Variants in ZNF385D observed in about 807,000 individuals in gnomAD.
The protein encoded by ZNF385D is zinc finger protein 659.
A neutral mutation model predicts 35.8 loss-of-function variants in ZNF385D; 15 were observed. That is an observed-to-expected ratio of 0.42 (90% CI 0.28 to 0.64). ZNF385D has a LOEUF of 0.64. ZNF385D is among the 30% of genes least tolerant of loss of function. ZNF385D has a pLI of 0.23. For missense variants in ZNF385D, 474 were observed against 494.6 expected, an observed-to-expected ratio of 0.96 and a Z score of 0.39; for synonymous variants, 212 against 186.8, an observed-to-expected ratio of 1.13 and a Z score of -1.10.
At chr3:21,634,833 T>G (rs1341941902) in intron 2 of ZNF385D, among the ~76,000 whole-genome samples, 1 of 151,908 alleles carries the variant, frequency 6.6e-6, no homozygotes, top group African/African-American at 2.4e-5. Flanking sequence ...TTTTTTTGGA[T>G]GGCAATATTT....
At chr3:21,436,897 C>T (rs765867881) in intron 5 of ZNF385D, 73 bp downstream of exon 5, 12 of 1,412,120 alleles carry the variant, frequency 8.5e-6, no homozygotes, top group Admixed American at 4.3e-5. Context: ...TCCCCTGCTG[C>T]AAAAGATCTA....
chr3:21,532,887 C>G (rs1416557498), intron 3 of ZNF385D, among the ~76,000 whole-genome samples: 1 of 152,122 alleles, frequency 6.6e-6, no homozygotes, highest in African/African-American at 2.4e-5. Context: ...AGACAAATAG[C>G]TTCTAAAACT....
At chr3:21,995,534 C>T (rs1386803651) in intron 3 of ZNF385D, among the ~76,000 whole-genome samples, 4 of 152,076 alleles carry the variant, frequency 2.6e-5, no homozygotes, top group South Asian at 4.2e-4. Context: ...GGATCAATCC[C>T]CAGGTCGCTG....
intron 3 of ZNF385D, among the ~76,000 whole-genome samples, chr3:21,779,881 T>C (rs918206272): frequency 4.6e-5 from 7 of 151,986 alleles, no homozygotes; most frequent in Non-Finnish European, 8.8e-5. Flanking sequence ...CCTCACTATA[T>C]TTCCTCATAC....
intron 3 of ZNF385D, among the ~76,000 whole-genome samples, chr3:21,934,311 T>G (rs1253446056): frequency 6.6e-6 from 1 of 152,180 alleles, no homozygotes; most frequent in African/African-American, 2.4e-5. Context: ...TACCAAAAGC[T>G]GCATTTGGGT....
At chr3:22,082,085 C>G (rs1284124980) in intron 3 of ZNF385D, among the ~76,000 whole-genome samples, 1 of 148,300 alleles carries the variant, frequency 6.7e-6, no homozygotes, top group African/African-American at 2.5e-5. Context: ...TTCTTCTGTT[C>G]CAAACTGTCT....
At chr3:21,743,506 G>T (rs1156253732) in intron 1 of ZNF385D, among the ~76,000 whole-genome samples, 3 of 152,210 alleles carry the variant, frequency 2.0e-5, no homozygotes, top group Admixed American at 2.0e-4. Flanking sequence ...CTGGAGGCTG[G>T]GCAGTCCAAG....
rs1032300140 is a variant in ZNF385D at position 21,807,798 on chromosome 3, AT to A, written c.326-142771del. ...CAATGGCATCTTCAAATATGGCAGG[AT>A]TTGAAAAGGCCCCACTTTTGAGATT... On this transcript the variant is annotated intron_variant, in intron 3 of 5. Transcript: ENST00000494108. Among the ~76,000 whole-genome samples the A allele has an allele frequency of 3.9e-5, 6 of 152,144 alleles. No individual in the cohort carries two copies. The South Asian group carries it at 6.2e-4, about 16-fold the overall frequency.
intron 3 of ZNF385D, among the ~76,000 whole-genome samples, chr3:21,795,664 G>C (rs1459905502): frequency 3.9e-5 from 6 of 152,022 alleles, no homozygotes; most frequent in East Asian, 3.9e-4. Flanking sequence ...ATAAAGAAGG[G>C]GACAGAATGT....
At chr3:21,621,864 A>AGTGTGTGT (rs1375391029) in intron 2 of ZNF385D, among the ~76,000 whole-genome samples, 1 of 72,422 alleles carries the variant, frequency 1.4e-5, no homozygotes, top group African/African-American at 5.4e-5. Context: ...ACCTGTTACC[A>AGTGTGTGT]CTGTGTGTGT....
At chr3:21,785,377 T>TG (rs2125645717) in intron 3 of ZNF385D, among the ~76,000 whole-genome samples, 1 of 152,326 alleles carries the variant, frequency 6.6e-6, no homozygotes, top group South Asian at 2.1e-4. Context: ...CATCATTTTT[T>TG]TTGTGTGTAT....
chr3:22,290,370 G>A (rs545468350), intron 2 of ZNF385D, among the ~76,000 whole-genome samples: 50 of 152,234 alleles, frequency 3.3e-4, no homozygotes, highest in Non-Finnish European at 5.1e-4. Context: ...GAGGGGTGCA[G>A]ACTGATGTCA....
At chr3:22,358,339 A>T (rs141291268) in intron 2 of ZNF385D, among the ~76,000 whole-genome samples, 22 of 152,062 alleles carry the variant, frequency 1.4e-4, no homozygotes, top group African/African-American at 5.1e-4. Flanking sequence ...AAATTCCATC[A>T]ATATGCCCAA....
chr3:21,901,665 G>A (rs978283089), intron 3 of ZNF385D, among the ~76,000 whole-genome samples: 3 of 152,090 alleles, frequency 2.0e-5, no homozygotes, highest in Non-Finnish European at 4.4e-5. Flanking sequence ...ACAGTTCACT[G>A]GTAGTGTCGC....
chr3:22,002,925 C>A (rs1419942681), intron 3 of ZNF385D, among the ~76,000 whole-genome samples: 1 of 152,158 alleles, frequency 6.6e-6, no homozygotes, highest in East Asian at 1.9e-4. Flanking sequence ...AAACATATCT[C>A]AAAATAATAA....
intron 2 of ZNF385D, among the ~76,000 whole-genome samples, chr3:21,609,830 G>C (rs2125786258): frequency 6.6e-6 from 1 of 152,274 alleles, no homozygotes; most frequent in Admixed American, 6.5e-5. Flanking sequence ...GCCACGCAAA[G>C]ATAAATGGAA....
chr3:21,604,227 A>G (rs2125772290), intron 2 of ZNF385D, among the ~76,000 whole-genome samples: 1 of 151,796 alleles, frequency 6.6e-6, no homozygotes, highest in African/African-American at 2.4e-5. Flanking sequence ...TTAGATATGG[A>G]GACCTATGTT....
At chr3:21,558,695 A>ATCTT (rs1035044920) in intron 3 of ZNF385D, among the ~76,000 whole-genome samples, 29 of 152,108 alleles carry the variant, frequency 1.9e-4, no homozygotes, top group African/African-American at 7.0e-4. Flanking sequence ...AGTTCTGAAT[A>ATCTT]TCTTTGTTAA....
intron 2 of ZNF385D, among the ~76,000 whole-genome samples, chr3:21,599,862 G>A (rs1336539281): frequency 2.0e-5 from 3 of 152,162 alleles, no homozygotes; most frequent in African/African-American, 7.2e-5. Flanking sequence ...TATGAGCTGG[G>A]TAAAATGATG....
Sources: gnomAD v4.1 joint callset for allele counts (sites outside exome capture counted in the v4.1 genomes callset) on GRCh38, gnomAD v4.1.1 for gene constraint, MANE v1.5 for transcripts, NCBI Gene and HGNC (gene_info 2026-07-23, HGNC 2026-07-21) for gene names.